PLEKHG1: variants seen among roughly 807,000 people sequenced by gnomAD.
PLEKHG1 encodes the protein pleckstrin homology and RhoGEF domain containing G1, also known as pleckstrin homology domain-containing family G member 1.
In PLEKHG1, 44 loss-of-function variants were observed where a neutral mutation model predicts 100.8. That is an observed-to-expected ratio of 0.44 (90% confidence interval 0.34 to 0.56). The LOEUF (loss-of-function observed/expected upper bound fraction) is 0.56, where lower values mean the gene tolerates loss of function less well. Ranked by LOEUF, PLEKHG1 falls within the 20% of genes least tolerant of loss-of-function variation. PLEKHG1 has a pLI of 0.01. For missense variants in PLEKHG1, 1,545 were observed against 1,720.9 expected (o/e 0.90, Z 1.81); for synonymous variants, 640 against 662.5 (o/e 0.97, Z 0.52).
chr6:150,686,191 G>C (rs999637048), intron 3 of PLEKHG1, among the ~76,000 whole-genome samples: 2 of 152,256 alleles, frequency 1.3e-5, no homozygotes, highest in Admixed American at 6.5e-5. Context: ...CTCCACAGGA[G>C]AGCTAATTAG....
At chr6:150,720,250 G>A (rs1169582632), upstream of PLEKHG1, among the ~76,000 whole-genome samples, 1 of 152,082 alleles carries the variant, frequency 6.6e-6, no homozygotes, top group East Asian at 1.9e-4. Context: ...TCAAATATAC[G>A]CCTTCTGAAT....
intron 1 of PLEKHG1, among the ~76,000 whole-genome samples, chr6:150,728,136 G>A (rs987781742): frequency 1.3e-5 from 2 of 152,200 alleles, no homozygotes; most frequent in Non-Finnish European, 2.9e-5. Flanking sequence ...TGAGTTGTAT[G>A]TATCTCTGCA....
chr6:150,808,913 A>G (rs1787311994), intron 7 of PLEKHG1, among the ~76,000 whole-genome samples, 192 bp from the exon 9 acceptor site: 1 of 152,190 alleles, frequency 6.6e-6, no homozygotes, highest in South Asian at 2.1e-4. Context: ...AGCCTGATTC[A>G]TTGCTGTTAA....
intron 2 of PLEKHG1, among the ~76,000 whole-genome samples, chr6:150,762,514 C>G (rs891313609): frequency 6.6e-6 from 1 of 151,978 alleles, no homozygotes; most frequent in Non-Finnish European, 1.5e-5. Flanking sequence ...CTCTCTTTTT[C>G]TTTCTTCCCT....
intron 1 of PLEKHG1, among the ~76,000 whole-genome samples, chr6:150,613,520 G>A (rs1216345595): frequency 6.6e-6 from 1 of 152,182 alleles, no homozygotes; most frequent in Non-Finnish European, 1.5e-5. Context: ...CGTTCTGATT[G>A]TCTGATTCTG....
chr6:150,615,084 A>C (rs1237618063), intron 1 of PLEKHG1, among the ~76,000 whole-genome samples: 2 of 152,198 alleles, frequency 1.3e-5, no homozygotes, highest in African/African-American at 4.8e-5. Context: ...TCAAGGTCAC[A>C]AGTAGTCATC....
intron 7 of PLEKHG1, 107 bp downstream of exon 8, chr6:150,804,848 T>A: frequency 3.1e-6 from 3 of 962,374 alleles, no homozygotes; most frequent in Non-Finnish European, 4.6e-6. Flanking sequence ...ACTCATCATC[T>A]TCAGTGTAGT....
At chr6:150,777,190 C>T (rs976531830) in intron 3 of PLEKHG1, among the ~76,000 whole-genome samples, 78 of 150,960 alleles carry the variant, frequency 5.2e-4, no homozygotes, top group African/African-American at 1.9e-3. Flanking sequence ...TGTGCGGTTG[C>T]ACATCAGCCA....
intron 3 of PLEKHG1, among the ~76,000 whole-genome samples, chr6:150,783,228 A>G (rs769599880): frequency 1.3e-5 from 2 of 151,844 alleles, no homozygotes; most frequent in Non-Finnish European, 1.5e-5. Context: ...AAATGGAGGA[A>G]TGAAAACAGG....
rs563674571 is a variant in PLEKHG1, at chr6:150,707,820, T to A, written c.-98-25764T>A. Among the ~76,000 whole-genome samples the A allele has an allele frequency of 8.3e-4, 126 of 152,278 alleles. 1 individual carries two copies. Among genetic ancestry groups the A allele is most frequent in the Non-Finnish European group, 7.8e-4 (53 of 68,026 alleles). The stretch of plus-strand genomic sequence containing the variant: ...GCCTCACCAGCCCTGTGGGTACAGG[T>A]AAAGTCACTTTAAAAGATCAGACTT... On this transcript the variant is annotated intron_variant, in intron 3 of 3. Coordinates refer to the PLEKHG1 transcript ENST00000367326.
At chr6:150,799,541 T>G (rs1456167581) in intron 5 of PLEKHG1, among the ~76,000 whole-genome samples, 2 of 152,186 alleles carry the variant, frequency 1.3e-5, no homozygotes, top group African/African-American at 4.8e-5. Flanking sequence ...TTCTTACCCT[T>G]GAGCAAGAAC....
chr6:150,828,239 A>G (rs1583209798), intron 14 of PLEKHG1: 2 of 1,613,676 alleles, frequency 1.2e-6, no homozygotes, highest in East Asian at 2.2e-5. Flanking sequence ...CTGACAAGAG[A>G]TGAGTTGGAA....
chr6:150,806,163 G>A (rs984525578), intron 7 of PLEKHG1, among the ~76,000 whole-genome samples: 3 of 149,438 alleles, frequency 2.0e-5, no homozygotes, highest in Admixed American at 1.3e-4. Context: ...GCCAGAGTGT[G>A]GTGTGATGCC....
rs1449894978 is a variant in PLEKHG1 at position 150,810,519 on chromosome 6, A to G, written c.1278+785A>G. On this transcript the variant is annotated intron_variant, in intron 10 of 15. Transcript: ENST00000358517. ...AGGAGGGAAAGAAAGAAAGAAAAAG[A>G]AAGAAAGAAAGAAAGAAAGGAAGAA... Among the ~76,000 whole-genome samples the G allele has an allele frequency of 3.8e-3, 300 of 78,040 alleles. 3 individuals are homozygous for G. The highest frequency in any genetic ancestry group is 8.2e-3 in the Middle Eastern group (1 of 122). 51.2% of individuals were successfully genotyped at this position (78,040 alleles called of 152,430 possible). A position where few individuals can be genotyped will look rare whatever the true frequency, so the allele number is the denominator to read the frequency against.
intron 3 of PLEKHG1, among the ~76,000 whole-genome samples, chr6:150,769,615 G>C (rs949190828): frequency 2.1e-5 from 3 of 145,084 alleles, no homozygotes; most frequent in Non-Finnish European, 1.5e-5. Flanking sequence ...AAAGAAAAAA[G>C]AAAAAGAAAA....
chr6:150,629,855 G>A (rs1777674446), intron 1 of PLEKHG1, among the ~76,000 whole-genome samples: 1 of 152,036 alleles, frequency 6.6e-6, no homozygotes, highest in Non-Finnish European at 1.5e-5. Context: ...ATGATAATTA[G>A]TTATCTTTGA....
intron 3 of PLEKHG1, chr6:150,664,304 AC>A (rs763297647): frequency 2.0e-5 from 3 of 152,096 alleles, no homozygotes; most frequent in South Asian, 4.1e-4. Flanking sequence ...CAGTAACCAT[AC>A]TCAATGCCCG....
intron 12 of PLEKHG1, among the ~76,000 whole-genome samples, chr6:150,820,250 CTA>C (rs539775681): frequency 9.2e-5 from 14 of 152,010 alleles, no homozygotes; most frequent in Non-Finnish European, 1.8e-4. Flanking sequence ...TTCCCAGTGA[CTA>C]TCAAGCATGC....
intron 1 of PLEKHG1, among the ~76,000 whole-genome samples, chr6:150,603,045 G>GCAC (rs1776421124): frequency 8.3e-6 from 1 of 120,502 alleles, no homozygotes; most frequent in South Asian, 2.9e-4. Context: ...TCGCGCCACT[G>GCAC]CACTCCAACC....
Sources: allele counts gnomAD v4.1 joint callset (sites outside exome capture counted in the v4.1 genomes callset), GRCh38; gene constraint gnomAD v4.1.1; transcripts MANE v1.5; gene names NCBI Gene and HGNC (gene_info 2026-07-23, HGNC 2026-07-21).